Variants in PROX2 observed in about 807,000 individuals in gnomAD.
PROX2 encodes the protein prospero homeobox protein 2.
In PROX2, 46 loss-of-function variants were observed where a neutral mutation model predicts 48.9. The observed-to-expected ratio is 0.94, with a 90% CI of 0.74 to 1.20. PROX2 has a LOEUF of 1.20. Ranked by LOEUF, PROX2 falls within the 50% of genes most tolerant of loss-of-function variation. The pLI, the probability that PROX2 is intolerant of heterozygous loss-of-function variation, is 0.00. For missense variants in PROX2, 663 were observed against 719.4 expected (o/e 0.92, Z 0.90); for synonymous variants, 260 against 276.6 (o/e 0.94, Z 0.60).
chr14:74,868,809 A>G (rs939406986), intron 2 of PROX2, among the ~76,000 whole-genome samples: 5 of 150,648 alleles, frequency 3.3e-5, no homozygotes, highest in Admixed American at 6.6e-5. Context: ...CTGCACTCCA[A>G]CCTGGGCGAC....
intron 2 of PROX2, among the ~76,000 whole-genome samples, chr14:74,869,755 G>A (rs1050879159): frequency 6.6e-5 from 10 of 152,080 alleles, no homozygotes; most frequent in Admixed American, 1.3e-4. Context: ...AATCTTTGCC[G>A]TTATGGTAGG....
At position 74,855,286 on chromosome 14, in the gene PROX2, A is replaced by G. The variant is rs376745303; in HGVS notation, c.1625T>C (p.Leu542Ser). 6.4e-6 allele frequency: 10 copies of G among 1,555,568 alleles called. 1 individual carries two copies. Among genetic ancestry groups the G allele is most frequent in the Non-Finnish European group, 8.8e-6 (10 of 1,140,528 alleles). Residue 542 changes from leucine to serine, a missense_variant, in exon 6 of 6, where the codon TTG (leucine) becomes TCG (serine). Coordinates refer to ENST00000556489, the MANE Select transcript of PROX2 (RefSeq NM_001243007.2). ...GNDFEVPDCF[L>S]EIASLTLQEF... ...CTGTAACGTCAAGCTGGCAATTTCCAAGAAGCAATCTGGAACCTGCATTTC... is the reference window on the plus strand; with the variant it reads ...CTGTAACGTCAAGCTGGCAATTTCCGAGAAGCAATCTGGAACCTGCATTTC...
chr14:74,870,975 G>A (rs899908271), intron 2 of PROX2, 128 bp downstream of exon 2: 10 of 152,192 alleles, frequency 6.6e-5, no homozygotes, highest in Non-Finnish European at 1.5e-4. Context: ...CACGGGGGTG[G>A]AGGTTGCAGT....
chr14:74,874,495 C>A (rs1323958936), intron 1 of PROX2, among the ~76,000 whole-genome samples: 1 of 151,786 alleles, frequency 6.6e-6, no homozygotes, highest in Non-Finnish European at 1.5e-5. Flanking sequence ...TCGTAATCCA[C>A]CCACCTCGGC....
chr14:74,863,636 T>C lies in PROX2; in HGVS notation c.199A>G (p.Arg67Gly). ...GDEHIQAKRARVETIVRGMCL... is the reference protein window; with the variant it reads ...GDEHIQAKRAGVETIVRGMCL... ...ATGCCTCGGACAATGGTCTCCACTC[T>C]GGCCCTCTTTGCCTGGATGTGCTCA... Residue 67 changes from arginine (R) to glycine (G), a missense_variant, in exon 3 of 6, where the codon AGA becomes GGA. Coordinates refer to ENST00000556489, the MANE Select transcript of PROX2 (RefSeq NM_001243007.2). 1.3e-6 allele frequency: 2 copies of C among 1,588,404 alleles called. No homozygotes were observed. The highest frequency in any genetic ancestry group is 8.6e-7 in the Non-Finnish European group (1 of 1,167,650).
At chr14:74,875,490 G>T (rs1168340821) in intron 1 of PROX2, among the ~76,000 whole-genome samples, 1 of 152,242 alleles carries the variant, frequency 6.6e-6, no homozygotes, top group Non-Finnish European at 1.5e-5. Context: ...TGGGCTGGGA[G>T]TTAGGAGGTC....
Position 74,862,709 on chromosome 14 carries a change from C to T in PROX2, c.1126G>A (p.Glu376Lys). The change falls in exon 3 of 6, where the codon GAG becomes AAG. Residue 376 changes from glutamate to lysine, a missense_variant. By Grantham distance (56) the Glu-to-Lys change is moderately conservative. Coordinates refer to ENST00000556489, the MANE Select transcript of PROX2 (RefSeq NM_001243007.2). Reference protein sequence around the residue: ...DSSSQRHPSSEPALRPWRTTK... With the variant: ...DSSSQRHPSSKPALRPWRTTK... ...GTTCTCCAAGGTCGTAGGGCAGGCT[C>T]TGAGGAGGGGTGCCTCTGGGAAGAT... 1 of 1,613,998 alleles carries T rather than the reference C, an allele frequency of 6.2e-7. No homozygotes were observed. Among genetic ancestry groups the T allele is most frequent in the Non-Finnish European group, 8.5e-7 (1 of 1,179,886 alleles).
chr14:74,863,949 T>A lies in PROX2; in HGVS notation c.-115A>T. 1 of 1,254,430 alleles carries A rather than the reference T, an allele frequency of 8.0e-7. No individual in the cohort carries two copies. Among genetic ancestry groups the A allele is most frequent in the Non-Finnish European group, 1.0e-6 (1 of 987,094 alleles). The allele number at this position is 1,254,430 out of a possible 1,614,324, so 77.7% of individuals were successfully genotyped here. On this transcript the variant is annotated 5_prime_UTR_variant, in exon 3 of 6. Transcript: ENST00000556489. ...CACTTAGAAGGGTAAAGAGCCACTG[T>A]CACTGAGGAAGGATTCAGATTCTGG...
At position 74,862,714 on chromosome 14, in the gene PROX2, G is replaced by A. The variant is rs547913659; in HGVS notation, c.1121C>T (p.Ser374Phe). The change falls in exon 3 of 6, where the codon TCC becomes TTC. Residue 374 changes from serine (S) to phenylalanine (F), a missense_variant. Physicochemically the swap from Ser to Phe is radical, Grantham distance 155. Coordinates refer to ENST00000556489, the MANE Select transcript of PROX2 (RefSeq NM_001243007.2). ...CCAAGGTCGTAGGGCAGGCTCTGAG[G>A]AGGGGTGCCTCTGGGAAGATGAGTC... Reference protein sequence around the residue: ...PQDSSSQRHPSSEPALRPWRT... With the variant: ...PQDSSSQRHPFSEPALRPWRT... 6.2e-6 allele frequency: 10 copies of A among 1,614,006 alleles called. No individual in the cohort carries two copies. The highest frequency in any genetic ancestry group is 1.6e-4 in the Middle Eastern group (1 of 6,062).
At position 74,863,241 on chromosome 14, in the gene PROX2, C is replaced by T. The variant is rs200480191; in HGVS notation, c.594G>A (p.Lys198=). ...VDGDHQQGTS[K]DLSGAEKHQE... ...GGTGTTTTTCTGCCCCAGAGAGGTC[C>T]TTGCTGGTACCTTGCTGGTGGTCAC... Residue 198 remains lysine (K), a synonymous_variant, in exon 3 of 6, where the codon AAG becomes AAA. Coordinates refer to ENST00000556489, the MANE Select transcript of PROX2 (RefSeq NM_001243007.2). The T allele has an allele frequency of 1.7e-5, 27 of 1,613,870 alleles. No homozygotes were observed. In the African/African-American group the frequency reaches 3.5e-4, roughly 21 times the overall value.
chr14:74,873,267 G>A (rs1164973862), intron 1 of PROX2, among the ~76,000 whole-genome samples: 3 of 152,154 alleles, frequency 2.0e-5, no homozygotes, highest in African/African-American at 7.2e-5. Context: ...ACAGTCAGTC[G>A]TGAGCCACCG....
In PROX2 at chr14:74,863,145, C is replaced by G. The variant is rs553462646; in HGVS notation, c.690G>C (p.Leu230=). ...PASLEILRKE[L]TRAVSQAVDS... ...CCACAGCCTGGGACACTGCCCTGGTCAGCTCTTTCCTCAGAATCTCTAGTG... is the reference window on the plus strand; with the variant it reads ...CCACAGCCTGGGACACTGCCCTGGTGAGCTCTTTCCTCAGAATCTCTAGTG... Residue 230 remains leucine (L), a synonymous_variant, in exon 3 of 6, where the codon CTG becomes CTC. Transcript: ENST00000556489. 2 of 1,613,936 alleles carry G rather than the reference C, an allele frequency of 1.2e-6. No homozygotes were observed. The highest frequency in any genetic ancestry group is 8.5e-7 in the Non-Finnish European group (1 of 1,179,908).
rs962064677 is a variant in PROX2 at position 74,855,410 on chromosome 14, G to C, written c.1609-108C>G. ...GCCTGTTTCTTGGGTAGTGGGCTAG[G>C]AGCATCCCTGCTCTAGTGGCCCCTG... is the stretch of plus-strand genomic sequence containing the variant. On this transcript the variant is annotated intron_variant, in intron 5 of 5. Coordinates refer to ENST00000556489, the MANE Select transcript of PROX2 (RefSeq NM_001243007.2). 4 of 822,132 alleles carry C rather than the reference G, an allele frequency of 4.9e-6. No homozygotes were observed. The African/African-American group carries it at 6.9e-5, about 14-fold the overall frequency. 50.9% of individuals were successfully genotyped at this position (822,132 alleles called of 1,614,324 possible).
intron 2 of PROX2, among the ~76,000 whole-genome samples, chr14:74,868,324 TA>T (rs1883120610): frequency 1.7e-5 from 1 of 58,444 alleles, no homozygotes; most frequent in South Asian, 5.3e-4. Context: ...TATATATATA[TA>T]TATATATATA....
Position 74,876,129 on chromosome 14 carries a change from C to G in PROX2, c.-544G>C, listed in dbSNP as rs1256403695. 1.3e-5 allele frequency among the ~76,000 whole-genome samples: 2 copies of G among 152,242 alleles called. No individual in the cohort carries two copies. Among genetic ancestry groups the G allele is most frequent in the Admixed American group, 6.5e-5 (1 of 15,290 alleles). ...GCACTGTCTGACAGACCCAGTCTTG[C>G]TGCAGCCGCTGACTCTGGGGACAGT... is the stretch of plus-strand genomic sequence containing the variant. On this transcript the variant is annotated 5_prime_UTR_variant, in exon 1 of 6. Coordinates refer to ENST00000556489, the MANE Select transcript of PROX2 (RefSeq NM_001243007.2).
intron 1 of PROX2, chr14:74,873,698 G>C: frequency 2.4e-6 from 1 of 424,306 alleles, no homozygotes; most frequent in Admixed American, 2.6e-5. Flanking sequence ...AGGAATTAAG[G>C]CTTAAGGAAC....
rs536018800 is a variant in PROX2 at position 74,866,800 on chromosome 14, G to C, written c.-174-2792C>G. Among the ~76,000 whole-genome samples the C allele has an allele frequency of 2.6e-5, 4 of 152,220 alleles. 1 individual carries two copies. The South Asian group carries it at 8.3e-4, about 32-fold the overall frequency. On this transcript the variant is annotated intron_variant, in intron 2 of 5. Coordinates refer to ENST00000556489, the MANE Select transcript of PROX2 (RefSeq NM_001243007.2). The stretch of plus-strand genomic sequence containing the variant: ...GAGACAGTGCTGAAAGAGAAAATGG[G>C]GTCAAGAGAGAGTTTTTCAAGATAG...
chr14:74,869,644 G>GTA (rs981303415), intron 2 of PROX2, among the ~76,000 whole-genome samples: 1 of 152,120 alleles, frequency 6.6e-6, no homozygotes, highest in South Asian at 2.1e-4. Flanking sequence ...TGTGTTACTT[G>GTA]TATATATATA....
At position 74,863,248 on chromosome 14, in the gene PROX2, G is replaced by T; in HGVS notation, c.587C>A (p.Thr196Asn). The change falls in exon 3 of 6, where the codon ACC (threonine) becomes AAC (asparagine). Residue 196 changes from threonine (T) to asparagine (N), a missense_variant. Physicochemically the swap from Thr to Asn is moderately conservative, Grantham distance 65. Transcript: ENST00000556489. Reference protein sequence around the residue: ...WVVDGDHQQGTSKDLSGAEKH... With the variant: ...WVVDGDHQQGNSKDLSGAEKH... Reference sequence around the variant, plus strand: ...TTCTGCCCCAGAGAGGTCCTTGCTGGTACCTTGCTGGTGGTCACCGTCCAC... The same window carrying T: ...TTCTGCCCCAGAGAGGTCCTTGCTGTTACCTTGCTGGTGGTCACCGTCCAC... 1 of 1,613,868 alleles carries T rather than the reference G, an allele frequency of 6.2e-7. No individual in the cohort carries two copies. The highest frequency in any genetic ancestry group is 8.5e-7 in the Non-Finnish European group (1 of 1,179,814).
Sources: allele counts gnomAD v4.1 joint callset (sites outside exome capture counted in the v4.1 genomes callset), GRCh38; gene constraint gnomAD v4.1.1; transcripts MANE v1.5; gene names NCBI Gene and HGNC (gene_info 2026-07-23, HGNC 2026-07-21).